ELOC: variants seen among roughly 807,000 people sequenced by gnomAD.
The protein encoded by ELOC is elongin C.
For synonymous variants in ELOC, 40 were observed against 51.3 expected (o/e 0.78, Z 0.94); for missense variants, 38 against 139.0 (o/e 0.27, Z 3.65).
intron 3 of ELOC, among the ~76,000 whole-genome samples, chr8:73,955,139 G>A (rs959631051): frequency 2.0e-5 from 3 of 151,892 alleles, no homozygotes; most frequent in East Asian, 3.9e-4. Flanking sequence ...ACAGAACATG[G>A]CAGAAATCAA....
intron 1 of ELOC, among the ~76,000 whole-genome samples, chr8:73,961,166 G>C (rs141359972): frequency 2.7e-4 from 41 of 152,264 alleles, no homozygotes; most frequent in Non-Finnish European, 4.7e-4. Context: ...CTCAGTAACT[G>C]TATTTTAGTA....
At position 73,959,793 on chromosome 8, in the gene ELOC, G is replaced by C; in HGVS notation, c.-25C>G. On this transcript the variant is annotated 5_prime_UTR_variant, in exon 2 of 4. Coordinates refer to ENST00000520242, the MANE Select transcript of ELOC (RefSeq NM_005648.4). ...TTTTGTTCTTATGAAATTCTACTTT[G>C]CTTCCCCAGGAACTTTAGTAGTTTC... 1 of 1,547,390 alleles carries C rather than the reference G, an allele frequency of 6.5e-7. No homozygotes were observed. Among genetic ancestry groups the C allele is most frequent in the Admixed American group, 1.9e-5 (1 of 51,398 alleles).
At chr8:73,968,134 C>T (rs1278711165) in intron 1 of ELOC, among the ~76,000 whole-genome samples, 1 of 152,204 alleles carries the variant, frequency 6.6e-6, no homozygotes, top group Admixed American at 6.5e-5. Flanking sequence ...TCCATCTCCA[C>T]ATCTGAATTT....
intron 2 of ELOC, among the ~76,000 whole-genome samples, chr8:73,958,824 T>C (rs1264338103): frequency 3.3e-5 from 5 of 152,188 alleles, no homozygotes; most frequent in Non-Finnish European, 7.3e-5. Flanking sequence ...TGCTTAACGA[T>C]GGAGATACCT....
At chr8:73,953,172 G>A (rs918100836) in intron 3 of ELOC, among the ~76,000 whole-genome samples, 1 of 151,936 alleles carries the variant, frequency 6.6e-6, no homozygotes, top group Admixed American at 6.6e-5. Context: ...TTGGCATGGT[G>A]GTGTGCACCT....
At chr8:73,956,749 G>C (rs1814214654) in intron 2 of ELOC, among the ~76,000 whole-genome samples, 1 of 152,200 alleles carries the variant, frequency 6.6e-6, no homozygotes. Flanking sequence ...ATAAATCAGT[G>C]TTTATATGCC....
chr8:73,954,244 G>A lies in ELOC; in HGVS notation c.148+1667C>T, dbSNP rs1263137080. ...TGCTTTTGGAGTAATAAAATGTTTTGGAACTAGATAGAGATGATGGCTGCA... is the reference window on the plus strand; with the variant it reads ...TGCTTTTGGAGTAATAAAATGTTTTAGAACTAGATAGAGATGATGGCTGCA... On this transcript the variant is annotated intron_variant, in intron 3 of 3. Transcript: ENST00000520242. 2.0e-5 allele frequency among the ~76,000 whole-genome samples: 3 copies of A among 152,130 alleles called. No homozygotes were observed. The East Asian group carries it at 5.8e-4, about 29-fold the overall frequency.
Position 73,956,128 on chromosome 8 carries a change from C to T in ELOC, c.5-74G>A, listed in dbSNP as rs940598295. 4 of 1,423,060 alleles carry T rather than the reference C, an allele frequency of 2.8e-6. No individual in the cohort carries two copies. The East Asian group carries it at 9.2e-5, about 33-fold the overall frequency. 88.2% of individuals were successfully genotyped at this position (1,423,060 alleles called of 1,614,324 possible). A position where few individuals can be genotyped will look rare whatever the true frequency, so the allele number is the denominator to read the frequency against. ...AAAACTAAACAGGTTTGGCTGGGCGCAGTGGCTCACGCCTGTAATCCCAGC... is the reference window on the plus strand; with the variant it reads ...AAAACTAAACAGGTTTGGCTGGGCGTAGTGGCTCACGCCTGTAATCCCAGC... On this transcript the variant is annotated intron_variant, in intron 2 of 3. Transcript: ENST00000520242.
intron 1 of ELOC, among the ~76,000 whole-genome samples, chr8:73,968,578 C>G (rs1023703357): frequency 2.6e-5 from 4 of 152,232 alleles, no homozygotes; most frequent in African/African-American, 9.6e-5. Context: ...TGAAACCAAT[C>G]ACTTCAGTTG....
At chr8:73,950,101 G>A (rs1813645818) in intron 3 of ELOC, among the ~76,000 whole-genome samples, 1 of 150,364 alleles carries the variant, frequency 6.7e-6, no homozygotes, top group Non-Finnish European at 1.5e-5. Context: ...GGGATTTTTG[G>A]AGAAACAGCT....
At chr8:73,971,432 T>C (rs1051736092) in intron 1 of ELOC, among the ~76,000 whole-genome samples, 4 of 152,124 alleles carry the variant, frequency 2.6e-5, no homozygotes, top group African/African-American at 9.7e-5. Flanking sequence ...TTCGGTTTTC[T>C]ACACTAAAAG....
chr8:73,968,884 A>C (rs554364318), intron 1 of ELOC, among the ~76,000 whole-genome samples: 34 of 152,316 alleles, frequency 2.2e-4, no homozygotes, highest in African/African-American at 7.5e-4. Flanking sequence ...GTTTTATACA[A>C]TTGCCTACTC....
chr8:73,960,688 T>C (rs1362681836), intron 1 of ELOC, among the ~76,000 whole-genome samples: 1 of 152,248 alleles, frequency 6.6e-6, no homozygotes, highest in African/African-American at 2.4e-5. Flanking sequence ...TGATGCATAC[T>C]GACTTAAAAC....
At position 73,959,653 on chromosome 8, in the gene ELOC, A is replaced by C. The variant is rs1814457865; in HGVS notation, c.4+112T>G. ...GTAAACATAAGCTGTTGATGTGGACAACTAATTTCAGTCTACTGAAATTTT... is the reference window on the plus strand; with the variant it reads ...GTAAACATAAGCTGTTGATGTGGACCACTAATTTCAGTCTACTGAAATTTT... On this transcript the variant is annotated intron_variant, in intron 2 of 3. Transcript: ENST00000520242. 8.0e-6 allele frequency: 7 copies of C among 874,388 alleles called. No homozygotes were observed. The South Asian group carries it at 1.4e-4, about 18-fold the overall frequency. 54.2% of individuals were successfully genotyped at this position (874,388 alleles called of 1,614,324 possible).
At chr8:73,966,835 T>C (rs548938403) in intron 1 of ELOC, among the ~76,000 whole-genome samples, 4 of 152,224 alleles carry the variant, frequency 2.6e-5, no homozygotes, top group Middle Eastern at 3.4e-3. Context: ...AATGTATTCC[T>C]CCTTTGCTAC....
chr8:73,955,629 A>C, intron 3 of ELOC: 2 of 295,294 alleles, frequency 6.8e-6, no homozygotes, highest in Non-Finnish European at 1.3e-5. Context: ...AAAATTAGCC[A>C]GGGGTGGTGG....
At chr8:73,948,835 A>AAG (rs1813560244) in intron 3 of ELOC, among the ~76,000 whole-genome samples, 332 of 150,378 alleles carry the variant, frequency 2.2e-3, no homozygotes, top group African/African-American at 7.4e-3. Context: ...CCTGTCACTC[A>AAG]CAAGCAAGCA....
chr8:73,945,899 C>T lies in ELOC; in HGVS notation c.*731G>A, dbSNP rs374937750. Reference sequence around the variant, plus strand: ...AAGGAAGAATAAATATTGCAAACGACGCTTTATAGTCAATGCAAATACAGT... The same window carrying T: ...AAGGAAGAATAAATATTGCAAACGATGCTTTATAGTCAATGCAAATACAGT... On this transcript the variant is annotated 3_prime_UTR_variant, in exon 4 of 4. Transcript: ENST00000520242. 7 of 151,564 alleles carry T rather than the reference C, an allele frequency of 4.6e-5. No individual in the cohort carries two copies. The East Asian group carries it at 7.7e-4, about 17-fold the overall frequency. 9.4% of individuals were successfully genotyped at this position (151,564 alleles called of 1,614,324 possible).
intron 2 of ELOC, among the ~76,000 whole-genome samples, chr8:73,959,417 T>C (rs1412952875): frequency 1.3e-5 from 2 of 152,220 alleles, no homozygotes; most frequent in African/African-American, 4.8e-5. Context: ...TTTTCTATTT[T>C]AAAAAATTGT....
Sources: allele counts gnomAD v4.1 joint callset (sites outside exome capture counted in the v4.1 genomes callset), GRCh38; gene constraint gnomAD v4.1.1; transcripts MANE v1.5; gene names NCBI Gene and HGNC (gene_info 2026-07-23, HGNC 2026-07-21).